PRSS12: variants seen among roughly 807,000 people sequenced by gnomAD.
The protein encoded by PRSS12 is serine protease 12, also known as neurotrypsin.
Under a neutral mutation model 104.4 loss-of-function variants are expected in PRSS12, and 85 were observed. That is an observed-to-expected ratio of 0.81 (90% CI 0.68 to 0.98). The LOEUF (loss-of-function observed/expected upper bound fraction) is 0.98, where lower values mean the gene tolerates loss of function less well. Among genes scored for constraint, PRSS12 ranks in the 50% least tolerant of loss-of-function variants. PRSS12 has a pLI of 0.00. For missense variants in PRSS12, 1,141 were observed against 1,139.2 expected, an observed-to-expected ratio of 1.00 and a Z score of -0.02; for synonymous variants, 454 against 425.2, an observed-to-expected ratio of 1.07 and a Z score of -0.83.
intron 7 of PRSS12, 135 bp from the exon 8 acceptor site, chr4:118,308,712 G>A (rs1743623978): frequency 1.6e-6 from 2 of 1,229,276 alleles, no homozygotes; most frequent in Admixed American, 1.9e-5. Flanking sequence ...TTGAGAGAGA[G>A]GAGATATATC....
chr4:118,352,505 G>GAGCGCCCGCGGGGGGCGCGGGA lies in PRSS12; in HGVS notation c.194_215dup (p.Gln75ProfsTer111), dbSNP rs1474078050. 7.0e-7 allele frequency: 1 copy of GAGCGCCCGCGGGGGGCGCGGGA among 1,436,618 alleles called. No homozygotes were observed. Among genetic ancestry groups the GAGCGCCCGCGGGGGGCGCGGGA allele is most frequent in the East Asian group, 2.9e-5 (1 of 34,292 alleles). 89.0% of individuals were successfully genotyped at this position (1,436,618 alleles called of 1,614,324 possible). On this transcript the variant is annotated frameshift_variant, in exon 1 of 13. Transcript: ENST00000296498. LOFTEE classifies it high-confidence loss of function. ...GGAGGGCGTGCGGGCGCTGGGCAGG[G>GAGCGCCCGCGGGGGGCGCGGGA]AGCGCCCGCGGGGGGCGCGGGAAGC... is the stretch of plus-strand genomic sequence containing the variant.
chr4:118,303,213 T>C (rs770325855), intron 8 of PRSS12: 35 of 146,190 alleles, frequency 2.4e-4, no homozygotes, highest in Non-Finnish European at 4.3e-4. Flanking sequence ...AAGATGAAAA[T>C]TGAAAATTGA....
chr4:118,298,938 C>G lies in PRSS12; in HGVS notation c.1632G>C (p.Lys544Asn), dbSNP rs1311989236. 1 of 1,613,878 alleles carries G rather than the reference C, an allele frequency of 6.2e-7. No individual in the cohort carries two copies. The highest frequency in any genetic ancestry group is 8.5e-7 in the Non-Finnish European group (1 of 1,179,972). The change falls in exon 9 of 13, where the codon AAG becomes AAC. Residue 544 changes from lysine to asparagine, a missense_variant and splice_region_variant. By Grantham distance (94) the Lys-to-Asn change is moderately conservative. Transcript: ENST00000296498. ...AAVICRQLGY[K>N]GPARARTMAY... ...CCATGGTTCTTGCTCTGGCAGGACC[C>G]CTGAAGACAGAACATTCTTAATCAT...
chr4:118,332,464 G>A (rs562355693), intron 3 of PRSS12, among the ~76,000 whole-genome samples: 37 of 152,248 alleles, frequency 2.4e-4, no homozygotes, highest in African/African-American at 8.7e-4. Flanking sequence ...TGTGACTACC[G>A]TCTCATAATC....
Position 118,294,962 on chromosome 4 carries a change from GAGGACCCAGCAGCTACT to G in PRSS12, c.1999_2015del (p.Ser667HisfsTer14). 1 of 1,614,108 alleles carries G rather than the reference GAGGACCCAGCAGCTACT, an allele frequency of 6.2e-7. No individual in the cohort carries two copies. Among genetic ancestry groups the G allele is most frequent in the Non-Finnish European group, 8.5e-7 (1 of 1,180,022 alleles). On this transcript the variant is annotated frameshift_variant, in exon 11 of 13. Transcript: ENST00000296498. LOFTEE classifies it high-confidence loss of function. ...ACCTCTTGAAACAGTGTGCTGCTGTGAGGACCCAGCAGCTACTCAGGAGCGTAGCCCCGCAGAGGAGC... is the reference window on the plus strand; with the variant it reads ...ACCTCTTGAAACAGTGTGCTGCTGTGCAGGAGCGTAGCCCCGCAGAGGAGC...
At chr4:118,303,680 C>G (rs925667488) in intron 8 of PRSS12, 19 of 152,084 alleles carry the variant, frequency 1.2e-4, no homozygotes. Flanking sequence ...TAGATAATAA[C>G]TTTCCAAGGG....
intron 1 of PRSS12, among the ~76,000 whole-genome samples, chr4:118,342,745 A>G (rs2126044579): frequency 6.6e-6 from 1 of 152,334 alleles, no homozygotes; most frequent in East Asian, 1.9e-4. Context: ...AACTATTTAA[A>G]GGCAAAATGT....
rs754697082 is a variant in PRSS12, at chr4:118,313,205, A to G, written c.1485T>C (p.Ser495=). ...AGAGCTGCAGCCAGTCCTCACCCAG[A>G]GAGAGCCTGTGTCCCTCGCCGCCAG... ...CYPGGEGHRL[S]LGFPVRLMDG... Residue 495 remains serine (S), a synonymous_variant, in exon 7 of 13, where the codon TCT becomes TCC. Coordinates refer to ENST00000296498, the MANE Select transcript of PRSS12 (RefSeq NM_003619.4). 21 of 1,613,008 alleles carry G rather than the reference A, an allele frequency of 1.3e-5. No individual in the cohort carries two copies. The Middle Eastern group carries it at 7.2e-4, about 55-fold the overall frequency.
intron 1 of PRSS12, among the ~76,000 whole-genome samples, chr4:118,349,085 C>A (rs921218109): frequency 2.0e-5 from 3 of 152,170 alleles, no homozygotes; most frequent in Non-Finnish European, 4.4e-5. Context: ...CCCCACCCTG[C>A]CCCTTCAACT....
At chr4:118,286,852 G>A (rs1162987891) in intron 11 of PRSS12, among the ~76,000 whole-genome samples, 2 of 152,130 alleles carry the variant, frequency 1.3e-5, no homozygotes, top group Admixed American at 6.5e-5. Context: ...ACTCAAAAGT[G>A]TGGGCATAAC....
chr4:118,291,852 C>G (rs571334052), intron 11 of PRSS12, among the ~76,000 whole-genome samples: 192 of 152,202 alleles, frequency 1.3e-3, no homozygotes, highest in Non-Finnish European at 2.3e-3. Flanking sequence ...GTGAGTTTTT[C>G]ACTTGTGCTG....
At chr4:118,339,901 A>T (rs2126043412) in intron 1 of PRSS12, among the ~76,000 whole-genome samples, 1 of 152,350 alleles carries the variant, frequency 6.6e-6, no homozygotes, top group East Asian at 1.9e-4. Flanking sequence ...ACTTTATTTG[A>T]ACTGATATTT....
chr4:118,348,482 G>A (rs1434486731), intron 1 of PRSS12, among the ~76,000 whole-genome samples: 5 of 152,120 alleles, frequency 3.3e-5, no homozygotes. Context: ...AAATCACTTT[G>A]ACTGCTCAAT....
intron 4 of PRSS12, among the ~76,000 whole-genome samples, chr4:118,329,103 A>C (rs2389620): frequency 1.3e-5 from 2 of 151,996 alleles, no homozygotes; most frequent in Non-Finnish European, 2.9e-5. Flanking sequence ...ATTTAAAAAA[A>C]TTTTTTTGTA....
At chr4:118,333,210 T>A (rs1428838728) in intron 3 of PRSS12, among the ~76,000 whole-genome samples, 1 of 152,154 alleles carries the variant, frequency 6.6e-6, no homozygotes, top group Non-Finnish European at 1.5e-5. Context: ...TTTACTAGAA[T>A]AAAGGACGTA....
chr4:118,335,616 C>G lies in PRSS12; in HGVS notation c.677G>C (p.Gly226Ala). 6.2e-7 allele frequency: 1 copy of G among 1,613,938 alleles called. No homozygotes were observed. The highest frequency in any genetic ancestry group is 8.5e-7 in the Non-Finnish European group (1 of 1,179,940). Reference protein sequence around the residue: ...KGIAKQTPFSGLGLIPIYWSN... With the variant: ...KGIAKQTPFSALGLIPIYWSN... The stretch of plus-strand genomic sequence containing the variant: ...CCAATAAATGGGAATAAGGCCCAGT[C>G]CAGAAAACGGGGTTTGTTTTGCTAT... Residue 226 changes from glycine (G) to alanine (A), a missense_variant, in exon 3 of 13, where the codon GGA (glycine) becomes GCA (alanine). Physicochemically the swap from Gly to Ala is moderately conservative, Grantham distance 60. Transcript: ENST00000296498.
chr4:118,294,333 A>G lies in PRSS12; in HGVS notation c.2039+606T>C, dbSNP rs556601286. 2.6e-5 allele frequency among the ~76,000 whole-genome samples: 4 copies of G among 152,300 alleles called. No homozygotes were observed. In the South Asian group the frequency reaches 8.3e-4, roughly 32 times the overall value. The stretch of plus-strand genomic sequence containing the variant: ...GGGCCATTAACCAAGGCCCACAAAA[A>G]AGCACTAAACAAGAGAAAGTAGAGC... On this transcript the variant is annotated intron_variant, in intron 11 of 12. Coordinates refer to ENST00000296498, the MANE Select transcript of PRSS12 (RefSeq NM_003619.4).
chr4:118,332,455 G>A (rs1422885207), intron 3 of PRSS12, among the ~76,000 whole-genome samples: 1 of 152,162 alleles, frequency 6.6e-6, no homozygotes, highest in Non-Finnish European at 1.5e-5. Flanking sequence ...ACCATCAAAT[G>A]TGACTACCGT....
chr4:118,335,416 G>T, intron 3 of PRSS12, 57 bp downstream of exon 3: 1 of 1,577,394 alleles, frequency 6.3e-7, no homozygotes, highest in Middle Eastern at 1.7e-4. Context: ...TCATCATCTG[G>T]AATCACGTTT....
Sources: gnomAD v4.1 joint callset for allele counts (sites outside exome capture counted in the v4.1 genomes callset) on GRCh38, gnomAD v4.1.1 for gene constraint, MANE v1.5 for transcripts, NCBI Gene and HGNC (gene_info 2026-07-23, HGNC 2026-07-21) for gene names.